Variants in TRHDE observed in about 807,000 individuals in gnomAD.
TRHDE encodes the protein thyrotropin-releasing hormone-degrading ectoenzyme.
In TRHDE, 72 loss-of-function variants were observed where a neutral mutation model predicts 125.7. The ratio of observed to expected loss-of-function variants is 0.57; its 90% CI spans 0.47 to 0.70. TRHDE has a LOEUF of 0.70. TRHDE is among the 30% of genes least tolerant of loss of function. TRHDE has a pLI of 0.00. For missense variants in TRHDE, 1,110 were observed against 1,327.1 expected (o/e 0.84, Z 2.54); for synonymous variants, 509 against 509.1 (o/e 1.00, Z 0.00).
intron 7 of TRHDE, among the ~76,000 whole-genome samples, chr12:72,547,204 C>T (rs1869460153): frequency 6.6e-6 from 1 of 150,728 alleles, no homozygotes; most frequent in East Asian, 2.0e-4. Flanking sequence ...CTTTATTCAT[C>T]TCTTCCTTAA....
intron 2 of TRHDE, among the ~76,000 whole-genome samples, chr12:72,156,104 C>T (rs1566253128): frequency 1.3e-5 from 2 of 152,194 alleles, no homozygotes; most frequent in African/African-American, 4.8e-5. Flanking sequence ...GCGGGCGCCC[C>T]TCCCCCAGCC....
intron 3 of TRHDE, among the ~76,000 whole-genome samples, chr12:72,379,550 A>G (rs1298585087): frequency 2.0e-5 from 3 of 152,196 alleles, no homozygotes; most frequent in Non-Finnish European, 2.9e-5. Flanking sequence ...CTAATGTAAA[A>G]TTCACAAGTG....
chr12:72,282,276 C>T lies in TRHDE; in HGVS notation c.915-4405C>T, dbSNP rs141530984. ...TGTCCACATTATAATTGAAATATTT[C>T]GATTTTTAATTAATTTTTTATATTT... On this transcript the variant is annotated intron_variant, in intron 1 of 18. Transcript: ENST00000261180. Among the ~76,000 whole-genome samples, 1,221 of 152,142 alleles carry T rather than the reference C, an allele frequency of 8.0e-3. 4 individuals carry two copies. Among genetic ancestry groups the T allele is most frequent in the African/African-American group, 0.011 (457 of 41,500 alleles).
intron 1 of TRHDE, 65 bp from the exon 2 acceptor site, chr12:72,286,616 G>A: frequency 7.0e-7 from 1 of 1,431,460 alleles, no homozygotes; most frequent in Non-Finnish European, 9.6e-7. Context: ...ACAGAAGCAT[G>A]TAATGTGGCC....
chr12:72,272,506 T>G lies in TRHDE; in HGVS notation c.-138T>G. ...CGTCGCTTGTGTCCAGAACCCGTCT[T>G]AAAAGAACCCGGGCCAGCATCCCCA... is the stretch of plus-strand genomic sequence containing the variant. On this transcript the variant is annotated 5_prime_UTR_variant, in exon 1 of 19. It removes the in-frame stop codon of an upstream open reading frame in the 5' UTR. Transcript: ENST00000261180. This position sits in a 1 kb window ranked among gnomAD's most constrained non-coding sequence, Gnocchi z 6.7. 6 of 534,112 alleles carry G rather than the reference T, an allele frequency of 1.1e-5. No individual in the cohort carries two copies. The highest frequency in any genetic ancestry group is 1.0e-5 in the Non-Finnish European group (3 of 300,508). 33.1% of individuals were successfully genotyped at this position (534,112 alleles called of 1,614,324 possible).
At chr12:72,553,413 A>G (rs1179428982) in intron 7 of TRHDE, among the ~76,000 whole-genome samples, 3 of 152,208 alleles carry the variant, frequency 2.0e-5, no homozygotes, top group Non-Finnish European at 4.4e-5. Flanking sequence ...AAGAGAAGAC[A>G]GGAAGAATCT....
At chr12:72,193,883 G>A (rs1877386426) in intron 2 of TRHDE, among the ~76,000 whole-genome samples, 2 of 152,054 alleles carry the variant, frequency 1.3e-5, no homozygotes, top group Admixed American at 1.3e-4. Context: ...CAGCTAGCTA[G>A]TTTTTTCAGT....
At chr12:72,303,565 C>G (rs750443880) in intron 2 of TRHDE, among the ~76,000 whole-genome samples, 12 of 152,056 alleles carry the variant, frequency 7.9e-5, no homozygotes, top group Non-Finnish European at 1.8e-4. Flanking sequence ...TCTGCACATT[C>G]AGATATGGAA....
chr12:72,350,916 G>A (rs1870552682), intron 2 of TRHDE, among the ~76,000 whole-genome samples: 1 of 151,942 alleles, frequency 6.6e-6, no homozygotes, highest in South Asian at 2.1e-4. Flanking sequence ...ATGTTACTAT[G>A]AGTGTCTATA....
chr12:72,448,422 A>G (rs1875406610), intron 3 of TRHDE, among the ~76,000 whole-genome samples: 1 of 152,078 alleles, frequency 6.6e-6, no homozygotes, highest in Admixed American at 6.6e-5. Context: ...CAACTGAAAA[A>G]CATACTATGT....
chr12:72,454,801 G>T (rs1875754918), intron 3 of TRHDE, among the ~76,000 whole-genome samples: 1 of 152,172 alleles, frequency 6.6e-6, no homozygotes, highest in African/African-American at 2.4e-5. Flanking sequence ...GATGATGCCA[G>T]TGCTGTTGAT....
chr12:72,330,783 C>A (rs1869557745), intron 2 of TRHDE, among the ~76,000 whole-genome samples: 2 of 152,054 alleles, frequency 1.3e-5, no homozygotes, highest in African/African-American at 4.8e-5. Context: ...CCCTCCTGTG[C>A]CTGACACTAA....
In TRHDE at chr12:72,568,590, A is replaced by G; in HGVS notation, c.2065A>G (p.Thr689Ala). 2 of 1,611,302 alleles carry G rather than the reference A, an allele frequency of 1.2e-6. No homozygotes were observed. The highest frequency in any genetic ancestry group is 1.7e-6 in the Non-Finnish European group (2 of 1,178,230). Residue 689 changes from threonine (T) to alanine (A), a missense_variant, in exon 10 of 19, where the codon ACT (threonine) becomes GCT (alanine). Thr to Ala is a moderately conservative substitution (Grantham distance 58). Around this residue, in one of 5 missense-constraint regions of TRHDE, gnomAD observed 527 missense variants for 651.8 expected, o/e 0.81. Transcript: ENST00000261180. ...NNSYLWQIPL[T>A]IVVGNRSHVS... Reference sequence around the variant, plus strand: ...CAGTTACCTGTGGCAGATTCCATTAACTATTGTGGTAGGAAATAGAAGCCA... The same window carrying G: ...CAGTTACCTGTGGCAGATTCCATTAGCTATTGTGGTAGGAAATAGAAGCCA...
intron 10 of TRHDE, among the ~76,000 whole-genome samples, chr12:72,570,696 A>AAAAC (rs1870683078): frequency 6.6e-6 from 1 of 152,144 alleles, no homozygotes; most frequent in Non-Finnish European, 1.5e-5. Flanking sequence ...ATTCAAGAAT[A>AAAAC]AAACAATGTA....
At chr12:72,259,413 T>C (rs998242789) in intron 2 of TRHDE, among the ~76,000 whole-genome samples, 1 of 152,134 alleles carries the variant, frequency 6.6e-6, no homozygotes, top group Non-Finnish European at 1.5e-5. Flanking sequence ...TCAAAGCTCC[T>C]TATTCTTCCC....
At chr12:72,136,593 A>G (rs1875991303) in intron 2 of TRHDE, among the ~76,000 whole-genome samples, 1 of 152,240 alleles carries the variant, frequency 6.6e-6, no homozygotes. Flanking sequence ...TTGGGATTGG[A>G]TAAAACTTTC....
chr12:72,122,444 A>C (rs1875607314), intron 2 of TRHDE, among the ~76,000 whole-genome samples: 1 of 152,198 alleles, frequency 6.6e-6, no homozygotes, highest in Non-Finnish European at 1.5e-5. Flanking sequence ...AGTTTTAATA[A>C]ATCAGCAGGA....
intron 12 of TRHDE, among the ~76,000 whole-genome samples, chr12:72,600,123 C>G (rs1281522974): frequency 1.3e-5 from 2 of 151,946 alleles, no homozygotes; most frequent in African/African-American, 4.8e-5. Context: ...TGTACCATTA[C>G]CATGGTGTTT....
intron 5 of TRHDE, among the ~76,000 whole-genome samples, chr12:72,496,124 G>A (rs935860498): frequency 6.6e-6 from 1 of 152,152 alleles, no homozygotes; most frequent in South Asian, 2.1e-4. Context: ...AAAATGATAA[G>A]TGCCTGTTGA....
Sources: gnomAD v4.1 joint callset for allele counts (sites outside exome capture counted in the v4.1 genomes callset) on GRCh38, gnomAD v4.1.1 for gene constraint, gnomAD v4.1.1 regional missense constraint, Gnocchi (gnomAD v3.1) non-coding constraint, MANE v1.5 for transcripts, NCBI Gene and HGNC (gene_info 2026-07-23, HGNC 2026-07-21) for gene names.